The following P2RX4 variants were observed in gnomAD, a reference collection of about 807,000 sequenced individuals.
The protein encoded by P2RX4 is purinergic receptor P2X 4.
P2RX4 carries 37 observed loss-of-function variants against 48.0 expected under a neutral mutation model. The observed-to-expected ratio is 0.77, with a 90% CI of 0.59 to 1.01. The LOEUF is 1.01. P2RX4 is among the 50% of genes least tolerant of loss of function. The probability of loss-of-function intolerance (pLI) is 0.00; values close to 1 mark genes in which losing one functional copy is unlikely to be tolerated. For synonymous variants in P2RX4, 200 were observed against 199.7 expected, an observed-to-expected ratio of 1.00 and a Z score of -0.01; for missense variants, 501 against 521.4, an observed-to-expected ratio of 0.96 and a Z score of 0.38.
chr12:121,211,720 G>A (rs1184776870), intron 1 of P2RX4, among the ~76,000 whole-genome samples: 1 of 151,698 alleles, frequency 6.6e-6, no homozygotes, highest in Non-Finnish European at 1.5e-5. Flanking sequence ...TGTCGCCCAG[G>A]CTGGAGTGCA....
At chr12:121,218,334 A>G (rs1353044674) in intron 2 of P2RX4, among the ~76,000 whole-genome samples, 4 of 152,090 alleles carry the variant, frequency 2.6e-5, no homozygotes, top group Admixed American at 1.3e-4. Context: ...AAATACAAAA[A>G]TTAGTGGGGT....
At position 121,210,171 on chromosome 12, in the gene P2RX4, G is replaced by A; in HGVS notation, c.7G>A (p.Gly3Ser). Residue 3 changes from glycine to serine, a missense_variant, in exon 1 of 12, where the codon GGC (glycine) becomes AGC (serine). Gly to Ser is a moderately conservative substitution (Grantham distance 56). Coordinates refer to ENST00000337233, the MANE Select transcript of P2RX4 (RefSeq NM_002560.3). MA[G>S]CCAALAAFLF... Reference sequence around the variant, plus strand: ...GGGAGCGGGCGGCGCGGCCATGGCGGGCTGCTGCGCCGCGCTGGCGGCCTT... The same window carrying A: ...GGGAGCGGGCGGCGCGGCCATGGCGAGCTGCTGCGCCGCGCTGGCGGCCTT... 1 of 1,521,422 alleles carries A rather than the reference G, an allele frequency of 6.6e-7. No homozygotes were observed. Among genetic ancestry groups the A allele is most frequent in the Admixed American group, 2.1e-5 (1 of 47,060 alleles). The allele number at this position is 1,521,422 out of a possible 1,614,324, so 94.2% of individuals were successfully genotyped here.
rs1286124098 is a variant in P2RX4 at position 121,232,231 on chromosome 12, T to C, written c.885-183T>C. ...GGTCTCCCTGTGCCCCTGTACCTCG[T>C]GGGCCCCGCATCCTCCTGCTTGCAC... On this transcript the variant is annotated intron_variant, in intron 8 of 11. Transcript: ENST00000337233. The surrounding 1 kb of genome is among the most constrained non-coding windows in gnomAD (Gnocchi z 4.3). 1.6e-6 allele frequency: 1 copy of C among 606,442 alleles called. No homozygotes were observed. Among genetic ancestry groups the C allele is most frequent in the East Asian group, 2.7e-5 (1 of 36,454 alleles). The allele number at this position is 606,442 out of a possible 1,614,324, so 37.6% of individuals were successfully genotyped here.
chr12:121,228,385 A>AAAT (rs1555237658), intron 5 of P2RX4, 148 bp from the exon 6 acceptor site: 34 of 120,558 alleles, frequency 2.8e-4, no homozygotes, highest in Middle Eastern at 4.0e-3. Context: ...AAAAAAAAAA[A>AAAT]ATATATATAT....
chr12:121,225,505 C>T lies in P2RX4; in HGVS notation c.524+2462C>T, dbSNP rs189587118. On this transcript the variant is annotated intron_variant, in intron 5 of 11. Coordinates refer to ENST00000337233, the MANE Select transcript of P2RX4 (RefSeq NM_002560.3). ...TGTTCACTGCAAGCTCCGCCTCCTG[C>T]GCTCACGCCATTCTCCTGCCTCAGC... Among the ~76,000 whole-genome samples, 134 of 152,142 alleles carry T rather than the reference C, an allele frequency of 8.8e-4. 2 individuals are homozygous for T. The highest frequency in any genetic ancestry group is 4.1e-3 in the Admixed American group (62 of 15,284).
chr12:121,233,223 C>T (rs924971263), intron 11 of P2RX4, 131 bp downstream of exon 11: 14 of 688,492 alleles, frequency 2.0e-5, no homozygotes, highest in Non-Finnish European at 3.0e-5. Context: ...CCCCGTTAAC[C>T]CGGGCAGTCC....
intron 2 of P2RX4, among the ~76,000 whole-genome samples, chr12:121,220,308 T>C (rs1886518255): frequency 6.8e-6 from 1 of 146,082 alleles, no homozygotes; most frequent in East Asian, 1.9e-4. Flanking sequence ...GACCCCCCCC[T>C]TTTTTTAACT....
chr12:121,217,272 A>G lies in P2RX4; in HGVS notation c.273A>G (p.Ile91Met), dbSNP rs201789037. ...FRIWDVADYVIPAQEENSLFV... is the reference protein window; with the variant it reads ...FRIWDVADYVMPAQEENSLFV... ...TCTGGGATGTGGCGGATTATGTGAT[A>G]CCAGCTCAGGTGTGTCTCCCACTGT... The change falls in exon 2 of 12, where the codon ATA (isoleucine) becomes ATG (methionine). Residue 91 changes from isoleucine (I) to methionine (M), a missense_variant. By Grantham distance (10) the Ile-to-Met change is conservative (BLOSUM62 1). Around this residue, in one of 3 missense-constraint regions of P2RX4, gnomAD observed 295 missense variants for 275.3 expected, o/e 1.07. Coordinates refer to ENST00000337233, the MANE Select transcript of P2RX4 (RefSeq NM_002560.3). 3.8e-5 allele frequency: 61 copies of G among 1,614,150 alleles called. No homozygotes were observed. In the African/African-American group the frequency reaches 6.7e-4, roughly 18 times the overall value.
chr12:121,230,981 TA>T (rs1315950747), intron 8 of P2RX4, among the ~76,000 whole-genome samples: 48 of 128,326 alleles, frequency 3.7e-4, no homozygotes, highest in Middle Eastern at 3.9e-3. Flanking sequence ...TATATATATA[TA>T]TTTTTTTTTT....
chr12:121,211,895 G>A (rs1885885362), intron 1 of P2RX4, among the ~76,000 whole-genome samples: 1 of 151,324 alleles, frequency 6.6e-6, no homozygotes, highest in African/African-American at 2.4e-5. Context: ...GGCTGGTCTC[G>A]AACTCCTGGC....
chr12:121,227,654 A>C (rs1474803068), intron 5 of P2RX4, among the ~76,000 whole-genome samples: 1 of 152,150 alleles, frequency 6.6e-6, no homozygotes, highest in South Asian at 2.1e-4. Context: ...CCCTTCCTTG[A>C]GGGGAAGAAC....
At chr12:121,226,170 C>A (rs1886964132) in intron 5 of P2RX4, among the ~76,000 whole-genome samples, 1 of 152,046 alleles carries the variant, frequency 6.6e-6, no homozygotes, top group African/African-American at 2.4e-5. Flanking sequence ...CCACACCTGG[C>A]CTCACAATAT....
rs181136493 is a variant in P2RX4, at chr12:121,233,736, A to G, written c.*187A>G. 3.1e-4 allele frequency: 434 copies of G among 1,405,024 alleles called. No homozygotes were observed. The highest frequency in any genetic ancestry group is 1.7e-3 in the Middle Eastern group (9 of 5,354). 87.0% of individuals were successfully genotyped at this position (1,405,024 alleles called of 1,614,324 possible). A position where few individuals can be genotyped will look rare whatever the true frequency, so the allele number is the denominator to read the frequency against. Reference sequence around the variant, plus strand: ...CAGGATCTGTTTGCCCACTCGGCCCAGGAGGTCAGCAGTCTGTTCTTGGCT... The same window carrying G: ...CAGGATCTGTTTGCCCACTCGGCCCGGGAGGTCAGCAGTCTGTTCTTGGCT... On this transcript the variant is annotated 3_prime_UTR_variant, in exon 12 of 12. Coordinates refer to ENST00000337233, the MANE Select transcript of P2RX4 (RefSeq NM_002560.3).
Position 121,232,389 on chromosome 12 carries a change from C to T in P2RX4, c.885-25C>T. On this transcript the variant is annotated intron_variant, in intron 8 of 11. Coordinates refer to ENST00000337233, the MANE Select transcript of P2RX4 (RefSeq NM_002560.3). This position sits in a 1 kb window ranked among gnomAD's most constrained non-coding sequence, Gnocchi z 4.3. Reference sequence around the variant, plus strand: ...CAAGGTCCTGCCCCAGCCATCTCCCCCTGATCCATCCTCCTTCCCCTCAGG... The same window carrying T: ...CAAGGTCCTGCCCCAGCCATCTCCCTCTGATCCATCCTCCTTCCCCTCAGG... 2 of 1,551,080 alleles carry T rather than the reference C, an allele frequency of 1.3e-6. No individual in the cohort carries two copies. The highest frequency in any genetic ancestry group is 1.8e-6 in the Non-Finnish European group (2 of 1,126,010).
Position 121,232,312 on chromosome 12 carries a change from G to A in P2RX4, c.885-102G>A. The A allele has an allele frequency of 1.2e-6, 1 of 835,152 alleles. No individual in the cohort carries two copies. The highest frequency in any genetic ancestry group is 2.0e-6 in the Non-Finnish European group (1 of 495,636). The allele number at this position is 835,152 out of a possible 1,614,324, so 51.7% of individuals were successfully genotyped here. A position where few individuals can be genotyped will look rare whatever the true frequency, so the allele number is the denominator to read the frequency against. ...CGCTCCAGCGTCCATTCAGCCGGCA[G>A]AGTGGACCATTCACCTGTGCCAGCT... On this transcript the variant is annotated intron_variant, in intron 8 of 11. Transcript: ENST00000337233. This position sits in a 1 kb window ranked among gnomAD's most constrained non-coding sequence, Gnocchi z 4.3.
intron 2 of P2RX4, among the ~76,000 whole-genome samples, chr12:121,221,635 C>A (rs577390865): frequency 6.6e-6 from 1 of 152,012 alleles, no homozygotes; most frequent in Non-Finnish European, 1.5e-5. Flanking sequence ...CCTCGTGATC[C>A]GCCCGCCTCA....
Position 121,219,573 on chromosome 12 carries a change from G to A in P2RX4, c.282+2292G>A, listed in dbSNP as rs376100624. The stretch of plus-strand genomic sequence containing the variant: ...AGTGAGACCCCATCTTGATTGGATG[G>A]GTGGTGGATGGATGGATGGATGGAT... On this transcript the variant is annotated intron_variant, in intron 2 of 11. Transcript: ENST00000337233. Among the ~76,000 whole-genome samples, 66 of 148,854 alleles carry A rather than the reference G, an allele frequency of 4.4e-4. 1 individual carries two copies. Among genetic ancestry groups the A allele is most frequent in the African/African-American group, 1.5e-3 (59 of 40,024 alleles).
Position 121,228,538 on chromosome 12 carries a change from CT to C in P2RX4, c.536del (p.Leu179Ter), listed in dbSNP as rs751754698. The C allele has an allele frequency of 3.0e-5, 48 of 1,610,342 alleles. No homozygotes were observed. The African/African-American group carries it at 5.6e-4, about 19-fold the overall frequency. ...VEDDTHVPQPAFLKAAENFTL... is the reference protein window; with the variant it reads ...VEDDTHVPQPXFLKAAENFTL... ...ATGTTATCATTGTTTTTCAGACCTG[CT>C]TTTTTAAAGGCTGCAGAAAACTTCA... is the stretch of plus-strand genomic sequence containing the variant. On this transcript the variant is annotated frameshift_variant, in exon 6 of 12. Coordinates refer to ENST00000337233, the MANE Select transcript of P2RX4 (RefSeq NM_002560.3). LOFTEE classifies it high-confidence loss of function.
At chr12:121,214,055 A>G (rs1481091176) in intron 1 of P2RX4, 1 of 152,158 alleles carries the variant, frequency 6.6e-6, no homozygotes, top group Non-Finnish European at 1.5e-5. Context: ...ACGAAAAATT[A>G]GCTTGGCATA....
Sources: gnomAD v4.1 joint callset for allele counts (sites outside exome capture counted in the v4.1 genomes callset) on GRCh38, gnomAD v4.1.1 for gene constraint, gnomAD v4.1.1 regional missense constraint, Gnocchi (gnomAD v3.1) non-coding constraint, MANE v1.5 for transcripts, NCBI Gene and HGNC (gene_info 2026-07-23, HGNC 2026-07-21) for gene names.